Variants in ANKS1B observed in about 807,000 individuals in gnomAD.
ANKS1B encodes ankyrin repeat and sterile alpha motif domain-containing protein 1B.
A neutral mutation model predicts 148.3 loss-of-function variants in ANKS1B; 36 were observed. The observed-to-expected ratio is 0.24, with a 90% CI of 0.19 to 0.32. ANKS1B has a LOEUF of 0.32. Ranked by LOEUF, ANKS1B falls within the 10% of genes least tolerant of loss-of-function variation. The probability of loss-of-function intolerance (pLI) is 1.00; values close to 1 mark genes in which losing one functional copy is unlikely to be tolerated. For missense variants in ANKS1B, 1,157 were observed against 1,542.6 expected, an observed-to-expected ratio of 0.75 and a Z score of 4.19; for synonymous variants, 542 against 560.8, an observed-to-expected ratio of 0.97 and a Z score of 0.47.
At chr12:99,036,558 T>C (rs142334521) in intron 17 of ANKS1B, among the ~76,000 whole-genome samples, 42 of 152,338 alleles carry the variant, frequency 2.8e-4, no homozygotes, top group Non-Finnish European at 5.1e-4. Context: ...GTTCATGTGT[T>C]GAGTATAATT....
chr12:99,916,832 A>G (rs1193787124), intron 1 of ANKS1B, among the ~76,000 whole-genome samples: 1 of 152,250 alleles, frequency 6.6e-6, no homozygotes, highest in Non-Finnish European at 1.5e-5. Context: ...TCAAAGTGTA[A>G]TCCATAGACT....
intron 17 of ANKS1B, among the ~76,000 whole-genome samples, chr12:99,044,060 T>C (rs967699574): frequency 3.3e-5 from 5 of 152,236 alleles, no homozygotes; most frequent in African/African-American, 4.8e-5. Flanking sequence ...CAGTGTTTAT[T>C]TGCATTTCGT....
chr12:98,852,933 A>G (rs1022161014), intron 17 of ANKS1B, among the ~76,000 whole-genome samples: 3 of 152,292 alleles, frequency 2.0e-5, no homozygotes, highest in Middle Eastern at 3.4e-3. Context: ...CAGAGTCCCT[A>G]TGAGGATCCA....
Position 99,010,900 on chromosome 12 carries a change from TG to T in ANKS1B, c.2778+42256del, listed in dbSNP as rs1327214894. On this transcript the variant is annotated intron_variant, in intron 17 of 26. Coordinates refer to ENST00000683438, the MANE Select transcript of ANKS1B (RefSeq NM_001352186.2). ...AGCTAGGACTACAGGTGTGAGCTTTTGTTTTTTTTTTTTTTTTTTTTTAATA... is the reference window on the plus strand; with the variant it reads ...AGCTAGGACTACAGGTGTGAGCTTTTTTTTTTTTTTTTTTTTTTTTTAATA... Among the ~76,000 whole-genome samples the T allele has an allele frequency of 8.6e-4, 67 of 77,884 alleles. 1 individual carries two copies. Among genetic ancestry groups the T allele is most frequent in the African/African-American group, 1.8e-3 (25 of 13,784 alleles). 51.1% of individuals were successfully genotyped at this position (77,884 alleles called of 152,430 possible).
intron 14 of ANKS1B, among the ~76,000 whole-genome samples, chr12:99,237,829 C>G (rs1361586751): frequency 6.6e-6 from 1 of 152,218 alleles, no homozygotes; most frequent in Non-Finnish European, 1.5e-5. Flanking sequence ...CTTGCCAAGG[C>G]TGGTCTCAAA....
At chr12:99,796,021 A>G (rs569231849) in intron 4 of ANKS1B, among the ~76,000 whole-genome samples, 1 of 152,130 alleles carries the variant, frequency 6.6e-6, no homozygotes, top group East Asian at 1.9e-4. Flanking sequence ...CTTTTCACTT[A>G]GAGGAAGCAC....
intron 4 of ANKS1B, among the ~76,000 whole-genome samples, chr12:99,806,055 G>A (rs553893741): frequency 1.3e-5 from 2 of 152,326 alleles, no homozygotes; most frequent in South Asian, 4.1e-4. Flanking sequence ...CAATGTTAAA[G>A]TGAATTTTGT....
At chr12:99,177,709 A>G (rs1056405112) in intron 14 of ANKS1B, among the ~76,000 whole-genome samples, 1 of 152,254 alleles carries the variant, frequency 6.6e-6, no homozygotes, top group African/African-American at 2.4e-5. Context: ...TCCTGGGGCA[A>G]TAATGGCAAT....
intron 11 of ANKS1B, among the ~76,000 whole-genome samples, chr12:99,422,904 A>G (rs552833123): frequency 6.6e-6 from 1 of 152,302 alleles, no homozygotes; most frequent in South Asian, 2.1e-4. Flanking sequence ...GAATGTGTGA[A>G]AAGTTTGATG....
chr12:99,696,540 T>A (rs1397335637), intron 8 of ANKS1B, among the ~76,000 whole-genome samples: 2 of 151,784 alleles, frequency 1.3e-5, no homozygotes, highest in Non-Finnish European at 2.9e-5. Flanking sequence ...AAAAAAAAAA[T>A]TAGACACAGG....
At chr12:99,426,545 C>T (rs1247135851) in intron 11 of ANKS1B, among the ~76,000 whole-genome samples, 1 of 152,068 alleles carries the variant, frequency 6.6e-6, no homozygotes, top group Non-Finnish European at 1.5e-5. Flanking sequence ...TATTTATTGT[C>T]AAGTTCTTGG....
At chr12:98,841,321 CA>C (rs1366255121) in intron 17 of ANKS1B, among the ~76,000 whole-genome samples, 1 of 152,134 alleles carries the variant, frequency 6.6e-6, no homozygotes, top group East Asian at 1.9e-4. Context: ...AATTGAGTCT[CA>C]AGAGACAATC....
chr12:99,377,318 A>C (rs2093432686), intron 12 of ANKS1B, among the ~76,000 whole-genome samples: 1 of 152,024 alleles, frequency 6.6e-6, no homozygotes, highest in Non-Finnish European at 1.5e-5. Context: ...TTGAAAAGTT[A>C]AGGGAATTGG....
chr12:98,776,837 C>T (rs2098682207), intron 24 of ANKS1B, among the ~76,000 whole-genome samples: 1 of 152,210 alleles, frequency 6.6e-6, no homozygotes, highest in Non-Finnish European at 1.5e-5. Context: ...GAGAACAGCA[C>T]ATGTGCTTAA....
chr12:99,556,694 C>G (rs2097280270), intron 9 of ANKS1B, among the ~76,000 whole-genome samples: 1 of 152,034 alleles, frequency 6.6e-6, no homozygotes, highest in Admixed American at 6.6e-5. Context: ...TTTAATTTCA[C>G]TGTTTACCCA....
At chr12:99,399,500 C>G (rs1366859742) in intron 12 of ANKS1B, 131 bp downstream of exon 12, 1 of 895,790 alleles carries the variant, frequency 1.1e-6, no homozygotes, top group East Asian at 2.6e-5. Flanking sequence ...TCTTAAAGCC[C>G]TACATTGCCA....
At chr12:99,223,594 G>C (rs1008827441) in intron 14 of ANKS1B, among the ~76,000 whole-genome samples, 5 of 152,170 alleles carry the variant, frequency 3.3e-5, no homozygotes, top group African/African-American at 1.2e-4. Context: ...TGATGTGACA[G>C]GATGCAGATC....
At chr12:98,958,343 A>T (rs950226266) in intron 17 of ANKS1B, among the ~76,000 whole-genome samples, 8 of 152,200 alleles carry the variant, frequency 5.3e-5, no homozygotes, top group African/African-American at 1.9e-4. Flanking sequence ...CTACTTACTT[A>T]CAGTCAGCAC....
intron 15 of ANKS1B, among the ~76,000 whole-genome samples, chr12:99,098,347 T>A (rs1433839776): frequency 6.6e-6 from 1 of 152,172 alleles, no homozygotes; most frequent in East Asian, 1.9e-4. Context: ...GCCAGCCCAG[T>A]CGTCTCCATG....
Sources: allele counts gnomAD v4.1 joint callset (sites outside exome capture counted in the v4.1 genomes callset), GRCh38; gene constraint gnomAD v4.1.1; transcripts MANE v1.5; gene names NCBI Gene and HGNC (gene_info 2026-07-23, HGNC 2026-07-21).